The following TNFSF4 variants were observed in gnomAD, a reference collection of about 807,000 sequenced individuals.
TNFSF4 encodes tumor necrosis factor ligand superfamily member 4.
In TNFSF4, 4 loss-of-function variants were observed where a neutral mutation model predicts 7.3. The ratio of observed to expected loss-of-function variants is 0.55; its 90% CI spans 0.27 to 1.25. The LOEUF is 1.25. TNFSF4 is among the 50% of genes most tolerant of loss of function. The probability of loss-of-function intolerance (pLI) is 0.12; values close to 1 mark genes in which losing one functional copy is unlikely to be tolerated. For synonymous variants in TNFSF4, 76 were observed against 83.7 expected (o/e 0.91, Z 0.50); for missense variants, 181 against 208.8 (o/e 0.87, Z 0.82).
the TNFSF4 span, among the ~76,000 whole-genome samples, chr1:173,308,267 T>TTCTCTCTC: frequency 0.036 from 4,725 of 132,800 alleles, 390 homozygotes; most frequent in African/African-American, 0.14. Context: ...CTCTCTCTCT[T>TTCTCTCTC]TCTCTCTCTC....
chr1:173,342,100 G>A, the TNFSF4 span, among the ~76,000 whole-genome samples: 2 of 152,124 alleles, frequency 1.3e-5, no homozygotes, highest in African/African-American at 4.8e-5. Flanking sequence ...CTACTGCAAG[G>A]GGGGAGGGGA....
chr1:173,175,948 TG>T, the TNFSF4 span, among the ~76,000 whole-genome samples: 17 of 152,270 alleles, frequency 1.1e-4, no homozygotes, highest in African/African-American at 3.9e-4. Flanking sequence ...TTTGTTTTTT[TG>T]TGTTTTTTTT....
chr1:173,413,460 ACT>A, the TNFSF4 span, among the ~76,000 whole-genome samples: 1 of 152,108 alleles, frequency 6.6e-6, no homozygotes, highest in Non-Finnish European at 1.5e-5. Flanking sequence ...GTTGCCTCCC[ACT>A]CTCAGTGCTG....
chr1:173,216,112 T>C, the TNFSF4 span, among the ~76,000 whole-genome samples: 1 of 152,182 alleles, frequency 6.6e-6, no homozygotes, highest in Non-Finnish European at 1.5e-5. Context: ...CGCAGATCCC[T>C]GACAAGACAC....
At chr1:173,189,884 T>C (rs986402677) in intron 1 of TNFSF4, among the ~76,000 whole-genome samples, 2 of 151,928 alleles carry the variant, frequency 1.3e-5, no homozygotes, top group African/African-American at 4.8e-5. Flanking sequence ...TTTTGTGCCA[T>C]TTGTTTGTCT....
At chr1:173,308,285 C>CTCTCTGTGTG in the TNFSF4 span, among the ~76,000 whole-genome samples, 2,440 of 134,984 alleles carry the variant, frequency 0.018, 52 homozygotes, top group Non-Finnish European at 0.022. Context: ...CTCTCTCTCT[C>CTCTCTGTGTG]TGTGTGTGTG....
intron 1 of TNFSF4, among the ~76,000 whole-genome samples, chr1:173,190,923 A>G (rs1649450777): frequency 6.6e-6 from 1 of 152,326 alleles, no homozygotes; most frequent in South Asian, 2.1e-4. Context: ...TCACTAGAAG[A>G]TCAGGGGCAT....
the TNFSF4 span, among the ~76,000 whole-genome samples, chr1:173,215,993 CA>C: frequency 6.6e-6 from 1 of 152,120 alleles, no homozygotes; most frequent in Non-Finnish European, 1.5e-5. Context: ...CCAGACCTAT[CA>C]AATCAAAATC....
the TNFSF4 span, among the ~76,000 whole-genome samples, chr1:173,310,664 AC>A: frequency 4.2e-4 from 63 of 150,948 alleles, no homozygotes; most frequent in Non-Finnish European, 8.0e-4. Context: ...ATTTTATTGT[AC>A]TTTTTCTTTT....
At chr1:173,339,630 A>G in the TNFSF4 span, among the ~76,000 whole-genome samples, 28 of 152,280 alleles carry the variant, frequency 1.8e-4, 1 homozygote, top group African/African-American at 6.5e-4. Context: ...TAGTAACTTT[A>G]TATCATAGTA....
At chr1:173,220,412 C>T in the TNFSF4 span, among the ~76,000 whole-genome samples, 1 of 152,124 alleles carries the variant, frequency 6.6e-6, no homozygotes, top group East Asian at 1.9e-4. Context: ...TCAGTTCCTC[C>T]TAAAGAGCAA....
chr1:173,377,067 G>A, the TNFSF4 span, among the ~76,000 whole-genome samples: 3 of 152,264 alleles, frequency 2.0e-5, no homozygotes, highest in Non-Finnish European at 2.9e-5. Context: ...ACAAACTCCA[G>A]ACACACCATC....
chr1:173,231,355 T>C, the TNFSF4 span, among the ~76,000 whole-genome samples: 3 of 152,210 alleles, frequency 2.0e-5, no homozygotes, highest in Non-Finnish European at 4.4e-5. Flanking sequence ...CACATGATTA[T>C]CTCAATAGAT....
chr1:173,244,034 G>A, the TNFSF4 span, among the ~76,000 whole-genome samples: 1 of 152,080 alleles, frequency 6.6e-6, no homozygotes, highest in Non-Finnish European at 1.5e-5. Context: ...TCATAGCCAC[G>A]TTTTCTTCTC....
chr1:173,310,862 C>A, the TNFSF4 span, among the ~76,000 whole-genome samples: 1 of 151,760 alleles, frequency 6.6e-6, no homozygotes, highest in African/African-American at 2.4e-5. Flanking sequence ...CTTATTGAGC[C>A]TGCCTCTTTT....
the TNFSF4 span, among the ~76,000 whole-genome samples, chr1:173,413,187 C>A: frequency 1.1e-4 from 17 of 152,048 alleles, no homozygotes; most frequent in Non-Finnish European, 2.2e-4. Flanking sequence ...GCAAGTGGAG[C>A]TGGAAAATAT....
the TNFSF4 span, among the ~76,000 whole-genome samples, chr1:173,331,173 C>A: frequency 2.0e-5 from 3 of 152,184 alleles, no homozygotes; most frequent in Non-Finnish European, 4.4e-5. Context: ...GCATCGGCCA[C>A]TGCACCCAGC....
At chr1:173,303,904 C>G in the TNFSF4 span, among the ~76,000 whole-genome samples, 3 of 151,852 alleles carry the variant, frequency 2.0e-5, no homozygotes, top group African/African-American at 7.2e-5. Flanking sequence ...TTTTCAATGA[C>G]TACACAGTGA....
chr1:173,438,760 T>C, the TNFSF4 span, among the ~76,000 whole-genome samples: 2 of 152,232 alleles, frequency 1.3e-5, no homozygotes, highest in Admixed American at 1.3e-4. Flanking sequence ...TTATATCTCA[T>C]GCTTAAGGTC....
Sources: gnomAD v4.1 joint callset for allele counts (sites outside exome capture counted in the v4.1 genomes callset) on GRCh38, gnomAD v4.1.1 for gene constraint, MANE v1.5 for transcripts, NCBI Gene and HGNC (gene_info 2026-07-23, HGNC 2026-07-21) for gene names.